Variants in ZBTB8A observed in about 807,000 individuals in gnomAD.
ZBTB8A encodes the protein zinc finger and BTB domain-containing protein 8A.
ZBTB8A carries 19 observed loss-of-function variants against 37.8 expected under a neutral mutation model. The ratio of observed to expected loss-of-function variants is 0.50; its 90% CI spans 0.35 to 0.74. ZBTB8A has a LOEUF of 0.74. ZBTB8A is among the 30% of genes least tolerant of loss of function. ZBTB8A has a pLI of 0.01. For missense variants in ZBTB8A, 394 were observed against 537.8 expected (o/e 0.73, Z 2.65); for synonymous variants, 181 against 185.2 (o/e 0.98, Z 0.19).
chr1:32,593,781 C>A, intron 3 of ZBTB8A, 27 bp downstream of exon 3: 1 of 1,561,510 alleles, frequency 6.4e-7, no homozygotes, highest in Non-Finnish European at 8.7e-7. Context: ...TAAGTCCCCT[C>A]ATCCAGGTTC....
chr1:32,592,783 C>A (rs1352950378), intron 2 of ZBTB8A, 148 bp from the exon 3 acceptor site: 4 of 657,510 alleles, frequency 6.1e-6, no homozygotes, highest in Non-Finnish European at 1.0e-5. Context: ...GCTGGGATTA[C>A]AGGAGTGAGC....
chr1:32,560,615 CTTTTTTTT>C (rs1170510859), intron 2 of ZBTB8A, among the ~76,000 whole-genome samples: 4 of 90,806 alleles, frequency 4.4e-5, no homozygotes, highest in African/African-American at 9.0e-5. Flanking sequence ...TCTTTTCTTT[CTTTTTTTT>C]TTTTTTTTTT....
chr1:32,565,525 T>C (rs1644272009), intron 2 of ZBTB8A, among the ~76,000 whole-genome samples: 1 of 151,230 alleles, frequency 6.6e-6, no homozygotes, highest in Admixed American at 6.6e-5. Flanking sequence ...CGTGGTGGCA[T>C]GCCCTGTAAC....
chr1:32,599,998 A>G, intron 4 of ZBTB8A, 89 bp from the exon 5 acceptor site: 1 of 1,037,952 alleles, frequency 9.6e-7, no homozygotes, highest in Non-Finnish European at 1.4e-6. Flanking sequence ...ATGGCTTTGA[A>G]CATCTTAAGT....
In ZBTB8A at chr1:32,600,734, A is replaced by G. The variant is rs1644569744; in HGVS notation, c.*315A>G. 4.9e-6 allele frequency: 1 copy of G among 203,068 alleles called. No individual in the cohort carries two copies. The highest frequency in any genetic ancestry group is 1.3e-4 in the South Asian group (1 of 7,482). 12.6% of individuals were successfully genotyped at this position (203,068 alleles called of 1,614,324 possible). On this transcript the variant is annotated 3_prime_UTR_variant, in exon 5 of 5. Transcript: ENST00000373510. ...TTTTTCTTTTAATATTGGAGGATCTACTTAGCAAACTTTTTTCAAAGAAAA... is the reference window on the plus strand; with the variant it reads ...TTTTTCTTTTAATATTGGAGGATCTGCTTAGCAAACTTTTTTCAAAGAAAA...
intron 1 of ZBTB8A, among the ~76,000 whole-genome samples, chr1:32,546,616 G>T (rs544587286): frequency 1.3e-5 from 2 of 152,288 alleles, no homozygotes; most frequent in Admixed American, 1.3e-4. Flanking sequence ...ACTCCAGGCT[G>T]GTGGGACCTT....
chr1:32,551,534 A>C (rs912392602), intron 1 of ZBTB8A, among the ~76,000 whole-genome samples: 1 of 151,964 alleles, frequency 6.6e-6, no homozygotes, highest in Non-Finnish European at 1.5e-5. Context: ...ACTAACATGG[A>C]GAAATACCAT....
intron 2 of ZBTB8A, among the ~76,000 whole-genome samples, chr1:32,562,591 T>TTTTGTG (rs1644252114): frequency 7.6e-6 from 1 of 132,124 alleles, no homozygotes. Context: ...TTTTTTTTTT[T>TTTTGTG]GATGAGACGA....
At chr1:32,539,799 C>CGCCCG (rs968087664) in intron 1 of ZBTB8A, among the ~76,000 whole-genome samples, 1,689 of 145,816 alleles carry the variant, frequency 0.012, 42 homozygotes, top group African/African-American at 0.036. Flanking sequence ...CCCGCCTCGC[C>CGCCCG]GCCCGGCCCG....
intron 2 of ZBTB8A, among the ~76,000 whole-genome samples, chr1:32,569,638 C>T (rs1439445384): frequency 4.6e-5 from 7 of 151,902 alleles, no homozygotes; most frequent in African/African-American, 1.7e-4. Flanking sequence ...GTGATCCACC[C>T]GCCTCAGCCT....
intron 1 of ZBTB8A, among the ~76,000 whole-genome samples, chr1:32,549,284 A>G (rs1178357227): frequency 6.6e-6 from 1 of 152,296 alleles, no homozygotes; most frequent in East Asian, 1.9e-4. Flanking sequence ...ACCTGAGGTC[A>G]GTAGTTCGAG....
chr1:32,542,091 T>A (rs1484143347), intron 1 of ZBTB8A, among the ~76,000 whole-genome samples: 3 of 152,184 alleles, frequency 2.0e-5, no homozygotes, highest in Non-Finnish European at 4.4e-5. Flanking sequence ...TAATTCTAAA[T>A]CTTCCAAAGC....
intron 2 of ZBTB8A, among the ~76,000 whole-genome samples, chr1:32,581,604 G>A (rs1055514075): frequency 4.0e-5 from 6 of 151,620 alleles, no homozygotes; most frequent in East Asian, 1.9e-4. Context: ...CACCCGCCTC[G>A]GCCTCCCAAA....
At chr1:32,571,583 T>C (rs1337758266) in intron 2 of ZBTB8A, among the ~76,000 whole-genome samples, 7 of 150,916 alleles carry the variant, frequency 4.6e-5, no homozygotes, top group African/African-American at 7.3e-5. Flanking sequence ...CAAATATAAT[T>C]TTTTTTTTTG....
chr1:32,595,223 A>G lies in ZBTB8A; in HGVS notation c.993A>G (p.Thr331=). ...RLDHLSSHFR[T]IHQACKLICR... is the part of the protein sequence containing the mutation. ...ACCATCTAAGTAGCCATTTTCGAAC[A>G]GTATGTATGATTTTTTTTCATCGTT... Residue 331 remains threonine, a splice_region_variant and synonymous_variant, in exon 4 of 5, where the codon ACA becomes ACG. Transcript: ENST00000373510. 2.5e-6 allele frequency: 4 copies of G among 1,595,960 alleles called. No homozygotes were observed. The highest frequency in any genetic ancestry group is 3.4e-6 in the Non-Finnish European group (4 of 1,175,182).
chr1:32,557,214 A>G (rs899573298), intron 2 of ZBTB8A, among the ~76,000 whole-genome samples: 1 of 152,016 alleles, frequency 6.6e-6, no homozygotes, highest in Non-Finnish European at 1.5e-5. Context: ...AGGCAGGAGA[A>G]TCACTTGAAC....
chr1:32,596,952 T>C (rs1017058669), intron 4 of ZBTB8A, among the ~76,000 whole-genome samples: 6 of 152,188 alleles, frequency 3.9e-5, no homozygotes, highest in African/African-American at 1.4e-4. Flanking sequence ...TCTGGTAGGA[T>C]TTCAGTCTAG....
chr1:32,576,434 AT>A (rs1295672551), intron 2 of ZBTB8A, among the ~76,000 whole-genome samples: 2 of 151,020 alleles, frequency 1.3e-5, no homozygotes, highest in African/African-American at 2.4e-5. Flanking sequence ...AGCTCCGTTC[AT>A]TTTTTTTTCT....
intron 2 of ZBTB8A, among the ~76,000 whole-genome samples, chr1:32,555,160 C>T (rs1557703433): frequency 6.6e-6 from 1 of 152,082 alleles, no homozygotes; most frequent in African/African-American, 2.4e-5. Context: ...GAGGCCGAGG[C>T]GGGCAGATCA....
Sources: allele counts gnomAD v4.1 joint callset (sites outside exome capture counted in the v4.1 genomes callset), GRCh38; gene constraint gnomAD v4.1.1; transcripts MANE v1.5; gene names NCBI Gene and HGNC (gene_info 2026-07-23, HGNC 2026-07-21).